UVRAG: variants seen among roughly 807,000 people sequenced by gnomAD.
The protein encoded by UVRAG is UV radiation resistance-associated gene protein.
Under a neutral mutation model 78.0 loss-of-function variants are expected in UVRAG, and 19 were observed. That is an observed-to-expected ratio of 0.24 (90% CI 0.17 to 0.36). The LOEUF (loss-of-function observed/expected upper bound fraction) is 0.36. Among genes scored for constraint, UVRAG ranks in the 10% least tolerant of loss-of-function variants. UVRAG has a pLI of 1.00. For synonymous variants in UVRAG, 323 were observed against 324.6 expected, an observed-to-expected ratio of 1.00 and a Z score of 0.05; for missense variants, 740 against 853.8, an observed-to-expected ratio of 0.87 and a Z score of 1.66.
chr11:75,877,308 T>C (rs1465452123), intron 3 of UVRAG, among the ~76,000 whole-genome samples: 1 of 152,216 alleles, frequency 6.6e-6, no homozygotes, highest in East Asian at 1.9e-4. Flanking sequence ...CTTTCCCCGC[T>C]TTCTATTCCA....
chr11:76,062,956 A>G (rs1014633337), intron 12 of UVRAG, among the ~76,000 whole-genome samples: 1 of 152,200 alleles, frequency 6.6e-6, no homozygotes, highest in Non-Finnish European at 1.5e-5. Flanking sequence ...AGTAGTTATC[A>G]CTATCACGTT....
intron 14 of UVRAG, among the ~76,000 whole-genome samples, chr11:76,136,022 A>G (rs1259991208): frequency 6.6e-6 from 1 of 152,214 alleles, no homozygotes; most frequent in Non-Finnish European, 1.5e-5. Context: ...ATAATTAGTA[A>G]ATCTATGAGT....
intron 13 of UVRAG, among the ~76,000 whole-genome samples, chr11:76,108,745 C>T (rs1454517485): frequency 6.6e-6 from 1 of 152,112 alleles, no homozygotes; most frequent in Admixed American, 6.6e-5. Context: ...TTGCTTGTTC[C>T]GGTAACTATA....
intron 12 of UVRAG, among the ~76,000 whole-genome samples, chr11:76,033,207 C>T (rs942751145): frequency 6.6e-6 from 1 of 152,150 alleles, no homozygotes; most frequent in African/African-American, 2.4e-5. Context: ...GCATCAGATA[C>T]ACCTTGAACC....
intron 7 of UVRAG, among the ~76,000 whole-genome samples, chr11:75,982,699 T>C (rs535687588): frequency 6.6e-5 from 10 of 152,342 alleles, no homozygotes; most frequent in African/African-American, 2.4e-4. Flanking sequence ...CGTGGAAATC[T>C]ACTTTTTGTT....
chr11:75,933,752 C>T (rs1288374344), intron 6 of UVRAG, among the ~76,000 whole-genome samples: 4 of 152,192 alleles, frequency 2.6e-5, no homozygotes, highest in Admixed American at 6.5e-5. Context: ...TGAAAAGGTG[C>T]TCAACATCAC....
intron 1 of UVRAG, among the ~76,000 whole-genome samples, chr11:75,840,391 A>G (rs1339357539): frequency 6.6e-6 from 1 of 152,052 alleles, no homozygotes; most frequent in Non-Finnish European, 1.5e-5. Flanking sequence ...TCTTAGAGTA[A>G]CACTACCTGG....
In UVRAG at chr11:76,117,122, T is replaced by C. The variant is rs373979581; in HGVS notation, c.1397+1107T>C. 8.5e-5 allele frequency among the ~76,000 whole-genome samples: 13 copies of C among 152,362 alleles called. No individual in the cohort carries two copies. The East Asian group carries it at 2.5e-3, about 29-fold the overall frequency. On this transcript the variant is annotated intron_variant, in intron 14 of 14. Coordinates refer to ENST00000356136, the MANE Select transcript of UVRAG (RefSeq NM_003369.4). ...GGTATTTATTTAGCTTGTCTCTGTG[T>C]AAAGCTCTGTGATAGGTGCTTTAGA...
chr11:76,104,355 G>C (rs971841592), intron 13 of UVRAG, among the ~76,000 whole-genome samples: 2 of 152,096 alleles, frequency 1.3e-5, no homozygotes, highest in Non-Finnish European at 2.9e-5. Flanking sequence ...GACAAACCTA[G>C]AATTCAAAGT....
intron 11 of UVRAG, among the ~76,000 whole-genome samples, chr11:76,014,828 A>G (rs1353933724): frequency 6.6e-6 from 1 of 152,198 alleles, no homozygotes; most frequent in Non-Finnish European, 1.5e-5. Context: ...TAATGTAACA[A>G]ATTTATAATG....
At chr11:76,063,951 ATTCAAC>A (rs1951139886) in intron 12 of UVRAG, among the ~76,000 whole-genome samples, 1 of 152,252 alleles carries the variant, frequency 6.6e-6, no homozygotes, top group African/African-American at 2.4e-5. Context: ...CTATTATACT[ATTCAAC>A]TTCAAGTGAC....
chr11:75,967,537 G>A (rs1022100991), intron 7 of UVRAG, among the ~76,000 whole-genome samples: 2 of 152,074 alleles, frequency 1.3e-5, no homozygotes, highest in African/African-American at 4.8e-5. Context: ...AATTACTACA[G>A]GTGAAGATAA....
intron 14 of UVRAG, among the ~76,000 whole-genome samples, chr11:76,123,484 G>A (rs1322494055): frequency 6.6e-6 from 1 of 152,190 alleles, no homozygotes; most frequent in East Asian, 1.9e-4. Context: ...TTTGTGGAAT[G>A]CTTCCTGGAA....
At chr11:75,966,807 A>T (rs995124173) in intron 7 of UVRAG, among the ~76,000 whole-genome samples, 20 of 152,232 alleles carry the variant, frequency 1.3e-4, no homozygotes, top group African/African-American at 4.8e-4. Flanking sequence ...TGCAATGAAC[A>T]TTGGCTCAGA....
intron 13 of UVRAG, among the ~76,000 whole-genome samples, chr11:76,078,565 G>T (rs1434992024): frequency 6.6e-6 from 1 of 151,606 alleles, no homozygotes; most frequent in African/African-American, 2.4e-5. Context: ...TCAAAAAGGT[G>T]GATGAAATGA....
chr11:75,823,389 G>A (rs1166233313), intron 1 of UVRAG, among the ~76,000 whole-genome samples: 1 of 152,128 alleles, frequency 6.6e-6, no homozygotes, highest in African/African-American at 2.4e-5. Context: ...TTTCTGTATG[G>A]GAGATTAAAT....
At position 76,088,820 on chromosome 11, in the gene UVRAG, C is replaced by A. The variant is rs111290170; in HGVS notation, c.1305+23032C>A. ...ACAGAGTTATCACCCATCTTCTATTCTTCCTGCTCACCTTGTTTTAAAAAA... is the reference window on the plus strand; with the variant it reads ...ACAGAGTTATCACCCATCTTCTATTATTCCTGCTCACCTTGTTTTAAAAAA... On this transcript the variant is annotated intron_variant, in intron 13 of 14. Coordinates refer to ENST00000356136, the MANE Select transcript of UVRAG (RefSeq NM_003369.4). 1.7e-3 allele frequency among the ~76,000 whole-genome samples: 264 copies of A among 152,298 alleles called. 1 individual carries two copies. The highest frequency in any genetic ancestry group is 6.1e-3 in the African/African-American group (253 of 41,568).
chr11:76,012,715 G>A (rs532623556), intron 11 of UVRAG, among the ~76,000 whole-genome samples: 1 of 151,976 alleles, frequency 6.6e-6, no homozygotes, highest in Non-Finnish European at 1.5e-5. Context: ...AGGAGACCTG[G>A]ACACAGTGGG....
At position 76,093,842 on chromosome 11, in the gene UVRAG, C is replaced by A. The variant is rs529114293; in HGVS notation, c.1306-22082C>A. ...GACTTCCTCTTTTCCTAATTGAATA[C>A]CCTTTATTTCTTTCTCCTGCCTGAT... is the stretch of plus-strand genomic sequence containing the variant. On this transcript the variant is annotated intron_variant, in intron 13 of 14. Coordinates refer to ENST00000356136, the MANE Select transcript of UVRAG (RefSeq NM_003369.4). 6.6e-5 allele frequency among the ~76,000 whole-genome samples: 10 copies of A among 152,222 alleles called. No individual in the cohort carries two copies. The South Asian group carries it at 2.1e-3, about 32-fold the overall frequency.
Sources: gnomAD v4.1 joint callset for allele counts (sites outside exome capture counted in the v4.1 genomes callset) on GRCh38, gnomAD v4.1.1 for gene constraint, MANE v1.5 for transcripts, NCBI Gene and HGNC (gene_info 2026-07-23, HGNC 2026-07-21) for gene names.